The following ALMS1 variants were observed in gnomAD, a reference collection of about 807,000 sequenced individuals.
The protein encoded by ALMS1 is ALMS1 centrosome and basal body associated protein, also known as centrosome-associated protein ALMS1.
In ALMS1, 271 loss-of-function variants were observed where a neutral mutation model predicts 352.2. The ratio of observed to expected loss-of-function variants is 0.77; its 90% CI spans 0.70 to 0.85. The LOEUF (loss-of-function observed/expected upper bound fraction) is 0.85. ALMS1 is among the 40% of genes least tolerant of loss of function. The pLI is 0.00. For missense variants in ALMS1, 5,445 were observed against 4,870.7 expected, an observed-to-expected ratio of 1.12 and a Z score of -3.51; for synonymous variants, 1,865 against 1,761.2, an observed-to-expected ratio of 1.06 and a Z score of -1.48.
At chr2:73,557,432 G>T in intron 14 of ALMS1, 78 bp downstream of exon 14, 1 of 1,575,864 alleles carries the variant, frequency 6.3e-7, no homozygotes, top group Non-Finnish European at 8.7e-7. Flanking sequence ...AACAGAAACA[G>T]AAATATATTC....
Position 73,451,095 on chromosome 2 carries a change from A to ATGTTG in ALMS1, c.4568_4569insTGTTG (p.Ser1524ValfsTer18). ...GCACCAACTATAACCTCTCCTTCCT[A>ATGTTG]CTCACAACATAGAGCAAAGTCTGGC... On this transcript the variant is annotated frameshift_variant, in exon 8 of 23. Coordinates refer to ENST00000613296, the MANE Select transcript of ALMS1 (RefSeq NM_001378454.1). LOFTEE classifies it high-confidence loss of function. The ATGTTG allele has an allele frequency of 6.2e-7, 1 of 1,612,916 alleles. No individual in the cohort carries two copies. The highest frequency in any genetic ancestry group is 8.5e-7 in the Non-Finnish European group (1 of 1,179,762).
At chr2:73,601,583 A>G in intron 19 of ALMS1, 147 bp downstream of exon 19, 10 of 1,315,478 alleles carry the variant, frequency 7.6e-6, no homozygotes, top group Non-Finnish European at 1.1e-5. Flanking sequence ...GTTTTCACGC[A>G]CGAGGGTTGG....
intron 16 of ALMS1, among the ~76,000 whole-genome samples, chr2:73,589,907 A>G (rs1362425861): frequency 6.6e-6 from 1 of 152,200 alleles, no homozygotes; most frequent in Non-Finnish European, 1.5e-5. Flanking sequence ...AATTTCCTAC[A>G]TTAGTACCAA....
At position 73,592,555 on chromosome 2, in the gene ALMS1, A is replaced by C. The variant is rs550835659; in HGVS notation, c.11548-6846A>C. Among the ~76,000 whole-genome samples, 3 of 152,278 alleles carry C rather than the reference A, an allele frequency of 2.0e-5. No homozygotes were observed. The South Asian group carries it at 6.2e-4, about 32-fold the overall frequency. ...TGGTCCTAAGCCTGAGTGATTATAA[A>C]TGAATTAGCGTAAACCCATGCCTCT... is the stretch of plus-strand genomic sequence containing the variant. On this transcript the variant is annotated intron_variant, in intron 16 of 22. Transcript: ENST00000613296.
chr2:73,599,688 G>A lies in ALMS1; in HGVS notation c.11668+167G>A, dbSNP rs181952932. On this transcript the variant is annotated intron_variant, in intron 17 of 22. Coordinates refer to ENST00000613296, the MANE Select transcript of ALMS1 (RefSeq NM_001378454.1). ...TAAATTCAAGTTTGATGGCAAGTTT[G>A]TGGGCAAGAGTGTAGGGAAGCGGGT... Among the ~76,000 whole-genome samples, 25 of 152,322 alleles carry A rather than the reference G, an allele frequency of 1.6e-4. No individual in the cohort carries two copies. In the East Asian group the frequency reaches 4.4e-3, roughly 27 times the overall value.
At chr2:73,546,725 G>C (rs950792118) in intron 12 of ALMS1, among the ~76,000 whole-genome samples, 6 of 152,212 alleles carry the variant, frequency 3.9e-5, no homozygotes, top group African/African-American at 1.4e-4. Context: ...GTGTGAGAAT[G>C]TTCCGGCGAG....
At chr2:73,460,102 C>T (rs1197317264) in intron 9 of ALMS1, among the ~76,000 whole-genome samples, 2 of 151,924 alleles carry the variant, frequency 1.3e-5, no homozygotes, top group Non-Finnish European at 2.9e-5. Context: ...ACTTGGCTCC[C>T]ATTATCCTCC....
intron 11 of ALMS1, among the ~76,000 whole-genome samples, chr2:73,526,784 G>A (rs1008825348): frequency 1.3e-5 from 2 of 151,926 alleles, no homozygotes; most frequent in Admixed American, 6.6e-5. Context: ...CTGATTGCTC[G>A]AGCTAGGACT....
intron 19 of ALMS1, 23 bp from the exon 20 acceptor site, chr2:73,602,162 T>A: frequency 6.2e-7 from 1 of 1,607,366 alleles, no homozygotes; most frequent in Non-Finnish European, 8.5e-7. Flanking sequence ...GGCTGGGCAT[T>A]TTCTCTTTTT....
At chr2:73,517,748 G>C (rs10207970) in intron 10 of ALMS1, among the ~76,000 whole-genome samples, 85,022 of 151,344 alleles carry the variant, frequency 0.56, 27,135 homozygotes, top group African/African-American at 0.89. Flanking sequence ...ACCCCTGCCC[G>C]CTGGGTTCAA....
chr2:73,412,040 TC>T (rs1352902871), intron 2 of ALMS1, among the ~76,000 whole-genome samples: 2 of 152,214 alleles, frequency 1.3e-5, no homozygotes, highest in Non-Finnish European at 2.9e-5. Flanking sequence ...TGTTTCTGTT[TC>T]CTGATATCCT....
At chr2:73,563,247 A>G (rs1262273733) in intron 15 of ALMS1, among the ~76,000 whole-genome samples, 1 of 152,190 alleles carries the variant, frequency 6.6e-6, no homozygotes, top group Admixed American at 6.5e-5. Flanking sequence ...ACATTAATAT[A>G]GATGAGGTTA....
At chr2:73,584,496 A>G (rs1038628102) in intron 16 of ALMS1, among the ~76,000 whole-genome samples, 5 of 152,184 alleles carry the variant, frequency 3.3e-5, no homozygotes, top group Non-Finnish European at 5.9e-5. Flanking sequence ...TGAGACTATT[A>G]CCTTTATGTA....
intron 15 of ALMS1, among the ~76,000 whole-genome samples, chr2:73,561,790 G>A (rs1446778931): frequency 6.6e-6 from 1 of 152,206 alleles, no homozygotes; most frequent in East Asian, 1.9e-4. Flanking sequence ...CTTTGCAGGG[G>A]TTAGTGTGGG....
chr2:73,419,022 A>C (rs1321979097), intron 2 of ALMS1, 101 bp from the exon 3 acceptor site: 1 of 951,854 alleles, frequency 1.1e-6, no homozygotes, highest in Non-Finnish European at 1.6e-6. Context: ...GTCATTAAAT[A>C]GGAAGCTATA....
At chr2:73,454,445 T>C (rs1401105664) in intron 8 of ALMS1, 34 of 902,856 alleles carry the variant, frequency 3.8e-5, no homozygotes, top group Non-Finnish European at 4.5e-5. Flanking sequence ...AGTATCCTTA[T>C]TCTGAAGGCA....
At chr2:73,542,914 A>G (rs1322678750) in intron 12 of ALMS1, among the ~76,000 whole-genome samples, 1 of 152,192 alleles carries the variant, frequency 6.6e-6, no homozygotes, top group South Asian at 2.1e-4. Context: ...AGGAAGAATC[A>G]ATATTGTGAA....
chr2:73,541,850 A>G (rs1161968229), intron 12 of ALMS1, among the ~76,000 whole-genome samples: 1 of 152,230 alleles, frequency 6.6e-6, no homozygotes, highest in Non-Finnish European at 1.5e-5. Flanking sequence ...GACCAGTAAC[A>G]GGCTCTGAAA....
At chr2:73,536,478 G>A (rs566310944) in intron 12 of ALMS1, among the ~76,000 whole-genome samples, 5 of 152,184 alleles carry the variant, frequency 3.3e-5, no homozygotes, top group African/African-American at 1.2e-4. Flanking sequence ...ATACACACTT[G>A]AGATTGTTTT....
Sources: allele counts gnomAD v4.1 joint callset (sites outside exome capture counted in the v4.1 genomes callset), GRCh38; gene constraint gnomAD v4.1.1; transcripts MANE v1.5; gene names NCBI Gene and HGNC (gene_info 2026-07-23, HGNC 2026-07-21).